The following PCCB variants were observed in gnomAD, a reference collection of about 807,000 sequenced individuals.
PCCB encodes the protein propionyl-CoA carboxylase subunit beta.
PCCB carries 43 observed loss-of-function variants against 60.7 expected under a neutral mutation model. That is an observed-to-expected ratio of 0.71 (90% confidence interval 0.55 to 0.91). The LOEUF is 0.91. Among genes scored for constraint, PCCB ranks in the 40% least tolerant of loss-of-function variants. PCCB has a pLI of 0.00. For missense variants in PCCB, 766 were observed against 702.8 expected, an observed-to-expected ratio of 1.09 and a Z score of -1.02; for synonymous variants, 276 against 255.9, an observed-to-expected ratio of 1.08 and a Z score of -0.75.
At chr3:136,270,727 A>G (rs1288418637) in intron 5 of PCCB, among the ~76,000 whole-genome samples, 1 of 152,208 alleles carries the variant, frequency 6.6e-6, no homozygotes, top group African/African-American at 2.4e-5. Context: ...GCTGGTCTCA[A>G]ACTCCTGGCC....
intron 5 of PCCB, among the ~76,000 whole-genome samples, chr3:136,263,271 T>TTA (rs1186429652): frequency 1.6e-4 from 23 of 145,972 alleles, no homozygotes; most frequent in South Asian, 8.7e-4. Flanking sequence ...TTTTTTTTTT[T>TTA]AATATTTATT....
chr3:136,264,975 C>T (rs916804318), intron 5 of PCCB, among the ~76,000 whole-genome samples: 1 of 151,224 alleles, frequency 6.6e-6, no homozygotes, highest in African/African-American at 2.4e-5. Context: ...GTGGGTGGAT[C>T]ACTAGGTCAG....
chr3:136,278,463 A>C (rs1942389836), intron 5 of PCCB, among the ~76,000 whole-genome samples: 3 of 152,084 alleles, frequency 2.0e-5, no homozygotes, highest in African/African-American at 4.8e-5. Context: ...GCATGCTAAC[A>C]CTGCTTCTTA....
chr3:136,270,662 C>CA (rs1159685076), intron 5 of PCCB, among the ~76,000 whole-genome samples: 1 of 152,282 alleles, frequency 6.6e-6, no homozygotes, highest in South Asian at 2.1e-4. Flanking sequence ...CACGCCACTA[C>CA]ACCCATCTAA....
At chr3:136,271,336 T>C (rs1271635408) in intron 5 of PCCB, among the ~76,000 whole-genome samples, 1 of 152,148 alleles carries the variant, frequency 6.6e-6, no homozygotes, top group African/African-American at 2.4e-5. Context: ...TCTGGACTCT[T>C]TTTTGGTTCC....
chr3:136,279,699 G>A lies in PCCB; in HGVS notation c.544-4138G>A, dbSNP rs533421813. 8.6e-5 allele frequency among the ~76,000 whole-genome samples: 13 copies of A among 151,520 alleles called. No individual in the cohort carries two copies. The South Asian group carries it at 1.0e-3, about 12-fold the overall frequency. On this transcript the variant is annotated intron_variant, in intron 5 of 14. Transcript: ENST00000251654. ...TATTTATTTTTTGAGACGGAGTTTC[G>A]CTCTGTCGCCCAGGCTGGAGTGCAG...
At chr3:136,268,087 G>GATATATATATATAT (rs61160895) in intron 5 of PCCB, among the ~76,000 whole-genome samples, 115 of 93,690 alleles carry the variant, frequency 1.2e-3, no homozygotes, top group African/African-American at 1.7e-3. Context: ...TGTGTGTGTA[G>GATATATATATATAT]ATATATATAT....
chr3:136,273,597 CT>C, intron 5 of PCCB, among the ~76,000 whole-genome samples: 5,915 of 45,382 alleles, frequency 0.13, 141 homozygotes, highest in Non-Finnish European at 0.16. Flanking sequence ...TTTCTTTTTT[CT>C]TTTTTTTTTT....
At position 136,327,095 on chromosome 3, in the gene PCCB, G is replaced by A; in HGVS notation, c.1199-60G>A. The A allele has an allele frequency of 2.7e-6, 4 of 1,480,746 alleles. No homozygotes were observed. In the South Asian group the frequency reaches 4.5e-5, roughly 17 times the overall value. 91.7% of individuals were successfully genotyped at this position (1,480,746 alleles called of 1,614,324 possible). On this transcript the variant is annotated intron_variant, in intron 11 of 14. Transcript: ENST00000251654. ...GAGGTGGGAAAGACCTCACAGCTGAGAGTGGCAGGATAACCATGTGAGGAC... is the reference window on the plus strand; with the variant it reads ...GAGGTGGGAAAGACCTCACAGCTGAAAGTGGCAGGATAACCATGTGAGGAC...
At chr3:136,277,313 T>G (rs1311893726) in intron 5 of PCCB, among the ~76,000 whole-genome samples, 1 of 152,226 alleles carries the variant, frequency 6.6e-6, no homozygotes, top group Non-Finnish European at 1.5e-5. Flanking sequence ...CACAGTGTTA[T>G]TCTACCTAGA....
intron 5 of PCCB, among the ~76,000 whole-genome samples, chr3:136,270,505 AT>A (rs202034497): frequency 0.078 from 11,481 of 147,382 alleles, 453 homozygotes; most frequent in Non-Finnish European, 0.095. Flanking sequence ...GTTTTTTGAC[AT>A]TTTTTTTTTT....
At chr3:136,298,807 C>A (rs760210871) in intron 8 of PCCB, among the ~76,000 whole-genome samples, 9 of 152,330 alleles carry the variant, frequency 5.9e-5, no homozygotes, top group Non-Finnish European at 1.2e-4. Context: ...CCTGGACTTT[C>A]TTCTGCAGAA....
chr3:136,254,126 G>GT lies in PCCB; in HGVS notation c.184-1722dup, dbSNP rs200564440. 2.9e-4 allele frequency among the ~76,000 whole-genome samples: 44 copies of GT among 151,846 alleles called. 1 individual carries two copies. Among genetic ancestry groups the GT allele is most frequent in the Admixed American group, 9.8e-4 (15 of 15,244 alleles). ...AATAATAGCCAATTTGAGGTATGTG[G>GT]TTTTTTTTGTTGTTGTTGGGGAAGG... On this transcript the variant is annotated intron_variant, in intron 1 of 14. Coordinates refer to ENST00000251654, the MANE Select transcript of PCCB (RefSeq NM_000532.5).
chr3:136,262,765 T>A (rs1016476205), intron 5 of PCCB, among the ~76,000 whole-genome samples: 2 of 152,168 alleles, frequency 1.3e-5, no homozygotes, highest in Non-Finnish European at 2.9e-5. Context: ...CCAGCCACTC[T>A]TATCATCCCT....
intron 9 of PCCB, among the ~76,000 whole-genome samples, chr3:136,316,710 C>T (rs1444124999): frequency 6.6e-6 from 1 of 152,208 alleles, no homozygotes; most frequent in Non-Finnish European, 1.5e-5. Context: ...AAACAAACTT[C>T]ATTGGTGTGT....
chr3:136,318,887 T>TA (rs1382279105), intron 10 of PCCB, among the ~76,000 whole-genome samples: 8 of 152,158 alleles, frequency 5.3e-5, no homozygotes, highest in African/African-American at 1.9e-4. Flanking sequence ...GATATATAAG[T>TA]ATCTGTTTGA....
intron 5 of PCCB, among the ~76,000 whole-genome samples, chr3:136,279,690 C>T (rs376925711): frequency 2.3e-4 from 35 of 151,882 alleles, no homozygotes; most frequent in Admixed American, 7.9e-4. Flanking sequence ...TTTTTTGAGA[C>T]GGAGTTTCGC....
At chr3:136,262,888 A>G (rs1223674898) in intron 5 of PCCB, among the ~76,000 whole-genome samples, 1 of 151,824 alleles carries the variant, frequency 6.6e-6, no homozygotes, top group East Asian at 1.9e-4. Context: ...AAACCACCAC[A>G]TTTTAGAGCT....
chr3:136,256,582 C>T lies in PCCB; in HGVS notation c.331C>T (p.Arg111Ter), dbSNP rs753981900. Residue 111 changes from arginine (R) to a stop codon, truncating the protein, a stop_gained, in exon 3 of 15, where the codon CGA becomes TGA. Transcript: ENST00000251654. LOFTEE classifies it high-confidence loss of function. ...KFPGDSVVTGRGRINGRLVYV... is the reference protein window; with the variant it reads ...KFPGDSVVTG ...TCCTGGAGACAGCGTGGTCACTGGACGAGGCCGAATCAATGGAAGATTGGT... is the reference window on the plus strand; with the variant it reads ...TCCTGGAGACAGCGTGGTCACTGGATGAGGCCGAATCAATGGAAGATTGGT... The T allele has an allele frequency of 1.5e-5, 24 of 1,612,918 alleles. No individual in the cohort carries two copies. The highest frequency in any genetic ancestry group is 2.2e-5 in the East Asian group (1 of 44,884).
Sources: allele counts gnomAD v4.1 joint callset (sites outside exome capture counted in the v4.1 genomes callset), GRCh38; gene constraint gnomAD v4.1.1; transcripts MANE v1.5; gene names NCBI Gene and HGNC (gene_info 2026-07-23, HGNC 2026-07-21).